CDC14A: variants seen among roughly 807,000 people sequenced by gnomAD.
The protein encoded by CDC14A is cell division cycle 14A.
In CDC14A, 53 loss-of-function variants were observed where a neutral mutation model predicts 74.4. The observed-to-expected ratio is 0.71, with a 90% CI of 0.57 to 0.89. The LOEUF is 0.89. CDC14A is among the 40% of genes least tolerant of loss of function. The pLI is 0.00. For synonymous variants in CDC14A, 247 were observed against 258.4 expected, an observed-to-expected ratio of 0.96 and a Z score of 0.43; for missense variants, 646 against 713.7, an observed-to-expected ratio of 0.91 and a Z score of 1.08.
chr1:100,427,147 C>T (rs1663056956), intron 5 of CDC14A, among the ~76,000 whole-genome samples: 1 of 151,978 alleles, frequency 6.6e-6, no homozygotes, highest in African/African-American at 2.4e-5. Context: ...AAAAAAAATC[C>T]CATTTCTTAT....
intron 2 of CDC14A, among the ~76,000 whole-genome samples, chr1:100,373,708 T>C (rs1049705423): frequency 6.6e-6 from 1 of 152,196 alleles, no homozygotes; most frequent in African/African-American, 2.4e-5. Flanking sequence ...GATTCGTGGG[T>C]ATTTTGTTTA....
chr1:100,372,162 T>C (rs1478692127), intron 2 of CDC14A, among the ~76,000 whole-genome samples: 1 of 152,268 alleles, frequency 6.6e-6, no homozygotes, highest in Non-Finnish European at 1.5e-5. Context: ...AAAATGCTAA[T>C]GATCATCTGA....
chr1:100,390,804 T>G lies in CDC14A; in HGVS notation c.289T>G (p.Phe97Val). 6.2e-7 allele frequency: 1 copy of G among 1,612,108 alleles called. No homozygotes were observed. The highest frequency in any genetic ancestry group is 1.3e-5 in the African/African-American group (1 of 75,014). ...FDQRKRANAA[F>V]LIGAYAVIYL... Reference sequence around the variant, plus strand: ...CCAACGGAAAAGAGCAAATGCAGCATTTTTGATAGGTGCCTATGCAGTAAG... The same window carrying G: ...CCAACGGAAAAGAGCAAATGCAGCAGTTTTGATAGGTGCCTATGCAGTAAG... Residue 97 changes from phenylalanine to valine, a missense_variant, in exon 4 of 16, where the codon TTT (phenylalanine) becomes GTT (valine). Phe to Val is a conservative substitution (Grantham distance 50). Coordinates refer to ENST00000336454, the MANE Select transcript of CDC14A (RefSeq NM_003672.4).
intron 4 of CDC14A, among the ~76,000 whole-genome samples, chr1:100,421,463 G>A (rs1297510965): frequency 6.6e-6 from 1 of 152,172 alleles, no homozygotes; most frequent in Non-Finnish European, 1.5e-5. Context: ...ACAGATTTGT[G>A]TATGTCTGTG....
In CDC14A at chr1:100,484,437, G is replaced by T; in HGVS notation, c.1123G>T (p.Glu375Ter). 2 of 1,600,942 alleles carry T rather than the reference G, an allele frequency of 1.2e-6. No homozygotes were observed. The highest frequency in any genetic ancestry group is 1.7e-5 in the Admixed American group (1 of 57,592). ...GGNLSKTQNM[E>*]RFGEDNLEDD... ...AAATCTTTCAAAAACACAAAACATG[G>T]AACGATTTGGAGAGGTAAGTTTTCC... Residue 375 changes from glutamate (E) to a stop codon, truncating the protein, a stop_gained, in exon 11 of 16, where the codon GAA becomes TAA. Transcript: ENST00000336454. LOFTEE classifies it high-confidence loss of function.
At chr1:100,491,911 G>A (rs983342806) in intron 11 of CDC14A, among the ~76,000 whole-genome samples, 1 of 149,500 alleles carries the variant, frequency 6.7e-6, no homozygotes, top group African/African-American at 2.5e-5. Flanking sequence ...TGCCCTCGTG[G>A]TCGTCACCAC....
At chr1:100,516,504 C>T (rs530850398) in intron 15 of CDC14A, among the ~76,000 whole-genome samples, 17 of 152,042 alleles carry the variant, frequency 1.1e-4, no homozygotes, top group Non-Finnish European at 2.2e-4. Flanking sequence ...CTTTACTAAT[C>T]GGAACAAAAG....
chr1:100,502,325 A>G (rs1214698394), intron 15 of CDC14A, among the ~76,000 whole-genome samples: 1 of 152,146 alleles, frequency 6.6e-6, no homozygotes, highest in Admixed American at 6.5e-5. Flanking sequence ...CTTTTATACC[A>G]TATTTTTACT....
At chr1:100,405,635 T>C (rs1460895937) in intron 4 of CDC14A, among the ~76,000 whole-genome samples, 2 of 152,196 alleles carry the variant, frequency 1.3e-5, no homozygotes, top group Non-Finnish European at 2.9e-5. Flanking sequence ...CAGTGTTTGG[T>C]TTTTTGCTCC....
chr1:100,367,611 A>T (rs578027816), intron 2 of CDC14A, among the ~76,000 whole-genome samples: 1 of 152,200 alleles, frequency 6.6e-6, no homozygotes, highest in African/African-American at 2.4e-5. Flanking sequence ...TGACCTTAAG[A>T]TAAGATAGAG....
intron 5 of CDC14A, among the ~76,000 whole-genome samples, chr1:100,431,232 A>AT (rs1663633599): frequency 6.6e-6 from 1 of 151,782 alleles, no homozygotes; most frequent in Non-Finnish European, 1.5e-5. Flanking sequence ...ATATTATTCT[A>AT]TTTTTTGTCT....
At chr1:100,416,454 T>C (rs1661537532) in intron 4 of CDC14A, among the ~76,000 whole-genome samples, 1 of 152,200 alleles carries the variant, frequency 6.6e-6, no homozygotes. Flanking sequence ...TGGATGTTGA[T>C]ACTAAGGCAT....
chr1:100,345,938 C>T (rs556850665), intron 1 of CDC14A, among the ~76,000 whole-genome samples: 20 of 152,106 alleles, frequency 1.3e-4, no homozygotes, highest in Non-Finnish European at 2.5e-4. Flanking sequence ...TTAGGGAGGC[C>T]GAGGTGGGCA....
chr1:100,491,562 ATATATATATATTTTTT>A (rs1670660047), intron 11 of CDC14A, among the ~76,000 whole-genome samples: 1 of 77,736 alleles, frequency 1.3e-5, no homozygotes, highest in African/African-American at 6.0e-5. Context: ...ATATATATAT[ATATATATATATTTTTT>A]TTTTTTTTTT....
chr1:100,360,107 T>TG (rs1652514196), intron 2 of CDC14A, among the ~76,000 whole-genome samples: 1 of 104,734 alleles, frequency 9.5e-6, no homozygotes, highest in Admixed American at 9.4e-5. Context: ...CACACCCAGC[T>TG]ATTTTTTTTT....
At chr1:100,438,981 G>A (rs1467629612) in intron 5 of CDC14A, among the ~76,000 whole-genome samples, 1 of 152,194 alleles carries the variant, frequency 6.6e-6, no homozygotes, top group African/African-American at 2.4e-5. Flanking sequence ...AGAGCCTGGA[G>A]CCTTGAGGTC....
intron 5 of CDC14A, among the ~76,000 whole-genome samples, chr1:100,431,953 C>T (rs546944825): frequency 6.6e-6 from 1 of 152,016 alleles, no homozygotes; most frequent in Non-Finnish European, 1.5e-5. Flanking sequence ...ATTGCTAGTT[C>T]TAGACAGATT....
chr1:100,482,826 CTA>C (rs939683219), intron 10 of CDC14A, among the ~76,000 whole-genome samples: 5 of 151,774 alleles, frequency 3.3e-5, no homozygotes, highest in Admixed American at 3.3e-4. Context: ...ATATAGATAT[CTA>C]TATATATATT....
intron 10 of CDC14A, among the ~76,000 whole-genome samples, chr1:100,475,633 A>G (rs1310233394): frequency 6.6e-6 from 1 of 152,104 alleles, no homozygotes; most frequent in Non-Finnish European, 1.5e-5. Flanking sequence ...GCCTCTGTTG[A>G]TGTCCAAGGC....
Sources: allele counts gnomAD v4.1 joint callset (sites outside exome capture counted in the v4.1 genomes callset), GRCh38; gene constraint gnomAD v4.1.1; transcripts MANE v1.5; gene names NCBI Gene and HGNC (gene_info 2026-07-23, HGNC 2026-07-21).